Variants in HTR2C observed in about 807,000 individuals in gnomAD.
The protein encoded by HTR2C is 5-hydroxytryptamine receptor 2C, also known as 5-hydroxytryptamine (serotonin) receptor 2C, G protein-coupled.
Under a neutral mutation model 21.0 loss-of-function variants are expected in HTR2C, and 5 were observed. The observed-to-expected ratio is 0.24, with a 90% CI of 0.12 to 0.50. The LOEUF (loss-of-function observed/expected upper bound fraction) is 0.50, where lower values mean the gene tolerates loss of function less well. Ranked by LOEUF, HTR2C falls within the 20% of genes least tolerant of loss-of-function variation. The pLI is 0.98. For synonymous variants in HTR2C, 150 were observed against 145.3 expected (o/e 1.03, Z -0.23); for missense variants, 271 against 371.2 (o/e 0.73, Z 2.22).
At chrX:114,803,604 T>A (rs1284175120) in intron 4 of HTR2C, among the ~76,000 whole-genome samples, 14 of 103,436 alleles carry the variant, frequency 1.4e-4, no homozygotes, top group African/African-American at 4.9e-4. Context: ...GTAAATTTGT[T>A]TGAGTTCATT....
chrX:114,733,767 A>C (rs782316394), intron 4 of HTR2C, among the ~76,000 whole-genome samples: 1 of 111,319 alleles, frequency 9.0e-6, no homozygotes, highest in African/African-American at 3.3e-5. Flanking sequence ...CACAAAGAAA[A>C]GAGGATGCTC....
intron 2 of HTR2C, among the ~76,000 whole-genome samples, chrX:114,695,403 A>G (rs1177921806): frequency 1.8e-5 from 2 of 111,858 alleles, no homozygotes; most frequent in Non-Finnish European, 3.8e-5. Flanking sequence ...ACAAATAGGA[A>G]GAATGCTCTT....
At chrX:114,640,658 C>A (rs1930061625) in intron 2 of HTR2C, among the ~76,000 whole-genome samples, 1 of 111,984 alleles carries the variant, frequency 8.9e-6, no homozygotes, top group Non-Finnish European at 1.9e-5. Context: ...TTCATTTTTG[C>A]AATGGCACAA....
At chrX:114,597,471 A>G (rs782025433) in intron 1 of HTR2C, among the ~76,000 whole-genome samples, 1 of 111,875 alleles carries the variant, frequency 8.9e-6, no homozygotes, top group East Asian at 2.8e-4. Context: ...TACCACATAA[A>G]AATGAAGGAA....
At chrX:114,655,009 C>T (rs1556409087) in intron 2 of HTR2C, among the ~76,000 whole-genome samples, 1 of 105,112 alleles carries the variant, frequency 9.5e-6, no homozygotes, top group African/African-American at 3.5e-5. Flanking sequence ...CTACAAAACA[C>T]ATTACCAGGA....
intron 2 of HTR2C, among the ~76,000 whole-genome samples, chrX:114,635,811 A>T (rs1445927799): frequency 1.8e-5 from 2 of 111,938 alleles, no homozygotes; most frequent in African/African-American, 6.5e-5. Flanking sequence ...TATTTCTTGC[A>T]GGTAAATGTT....
intron 2 of HTR2C, among the ~76,000 whole-genome samples, chrX:114,726,176 G>GC (rs1324616488): frequency 8.9e-6 from 1 of 112,562 alleles, no homozygotes; most frequent in African/African-American, 3.2e-5. Flanking sequence ...GACTCCGTGG[G>GC]CATAGGACCC....
intron 5 of HTR2C, among the ~76,000 whole-genome samples, chrX:114,851,395 G>A (rs1038227027): frequency 6.3e-5 from 7 of 111,901 alleles, no homozygotes; most frequent in East Asian, 5.6e-4. Context: ...AAAAACCTTC[G>A]TATATTTGGA....
At chrX:114,586,446 G>C (rs1054962140) in intron 1 of HTR2C, among the ~76,000 whole-genome samples, 3 of 111,905 alleles carry the variant, frequency 2.7e-5, no homozygotes, top group African/African-American at 9.8e-5. Context: ...TCATCAACAT[G>C]ATTTCTTTCC....
chrX:114,872,411 C>G (rs182883073), intron 5 of HTR2C, among the ~76,000 whole-genome samples: 173 of 109,907 alleles, frequency 1.6e-3, no homozygotes, highest in Non-Finnish European at 1.8e-3. Context: ...CATTAAAGAC[C>G]TTTCTTCTTT....
chrX:114,619,703 C>T (rs782403630), intron 2 of HTR2C, among the ~76,000 whole-genome samples: 5 of 111,075 alleles, frequency 4.5e-5, no homozygotes, highest in Non-Finnish European at 9.4e-5. Flanking sequence ...GACTTCCTGC[C>T]CACCATACCC....
At chrX:114,857,210 C>T (rs1400180735) in intron 5 of HTR2C, among the ~76,000 whole-genome samples, 2 of 111,127 alleles carry the variant, frequency 1.8e-5, no homozygotes, top group East Asian at 5.7e-4. Context: ...GGATTCTGTT[C>T]CTTCCAATTG....
intron 4 of HTR2C, among the ~76,000 whole-genome samples, chrX:114,830,409 A>G (rs1308227840): frequency 4.5e-5 from 5 of 110,981 alleles, no homozygotes; most frequent in African/African-American, 1.6e-4. Flanking sequence ...TTTATTGGTC[A>G]TTGTTTAACT....
At chrX:114,805,313 C>T (rs782069144) in intron 4 of HTR2C, among the ~76,000 whole-genome samples, 1 of 108,113 alleles carries the variant, frequency 9.2e-6, no homozygotes, top group African/African-American at 3.4e-5. Flanking sequence ...CCTTGGCTAA[C>T]CTTTTTTCTT....
At chrX:114,783,525 A>C (rs2147403770) in intron 4 of HTR2C, among the ~76,000 whole-genome samples, 1 of 112,208 alleles carries the variant, frequency 8.9e-6, no homozygotes, top group East Asian at 2.8e-4. Context: ...TAATTTCACT[A>C]ATTGATAGAA....
At chrX:114,876,422 C>CTTTTTTTTTTTTTTTTTTTTT (rs60498146) in intron 5 of HTR2C, among the ~76,000 whole-genome samples, 99 of 62,350 alleles carry the variant, frequency 1.6e-3, no homozygotes, top group Non-Finnish European at 2.0e-3. Context: ...CTTTTTCTTT[C>CTTTTTTTTTTTTTTTTTTTTT]TTTTTTTTTT....
intron 2 of HTR2C, among the ~76,000 whole-genome samples, chrX:114,704,310 A>G (rs1365461764): frequency 2.7e-5 from 3 of 111,617 alleles, no homozygotes; most frequent in East Asian, 2.8e-4. Flanking sequence ...AAAATCCTCA[A>G]TAAAATACTG....
At chrX:114,679,286 T>C (rs908366182) in intron 2 of HTR2C, among the ~76,000 whole-genome samples, 1 of 110,639 alleles carries the variant, frequency 9.0e-6, no homozygotes, top group Non-Finnish European at 1.9e-5. Flanking sequence ...ATTTATTTAT[T>C]ATTATTATTA....
At chrX:114,848,411 G>T (rs1424100756) in intron 5 of HTR2C, among the ~76,000 whole-genome samples, 1 of 112,016 alleles carries the variant, frequency 8.9e-6, no homozygotes, top group Admixed American at 9.5e-5. Context: ...TAAATATAAA[G>T]TTTCCATTTA....
Sources: gnomAD v4.1 joint callset for allele counts (sites outside exome capture counted in the v4.1 genomes callset) on GRCh38, gnomAD v4.1.1 for gene constraint, MANE v1.5 for transcripts, NCBI Gene and HGNC (gene_info 2026-07-23, HGNC 2026-07-21) for gene names.